ADCY7: variants seen among roughly 807,000 people sequenced by gnomAD.
The protein encoded by ADCY7 is adenylate cyclase 7.
Under a neutral mutation model 120.6 loss-of-function variants are expected in ADCY7, and 72 were observed. The ratio of observed to expected loss-of-function variants is 0.60; its 90% confidence interval spans 0.49 to 0.73. The LOEUF (loss-of-function observed/expected upper bound fraction) is 0.73. Ranked by LOEUF, ADCY7 falls within the 30% of genes least tolerant of loss-of-function variation. The pLI is 0.00. For missense variants in ADCY7, 1,227 were observed against 1,486.0 expected (o/e 0.83, Z 2.87); for synonymous variants, 661 against 628.0 (o/e 1.05, Z -0.78).
In ADCY7 at chr16:50,301,127, G is replaced by A. The variant is rs371262352; in HGVS notation, c.1281G>A (p.Ala427=). Residue 427 remains alanine (A), a synonymous_variant, in exon 10 of 26, where the codon GCG becomes GCA. Coordinates refer to ENST00000673801, the MANE Select transcript of ADCY7 (RefSeq NM_001114.5). ...TEATLKHLDK[A]YEVEDGHGQQ... ...CCACGCTAAAGCACCTGGACAAGGC[G>A]TACGAGGTGGAGGATGGGCACGGGC... 53 of 1,613,868 alleles carry A rather than the reference G, an allele frequency of 3.3e-5. No individual in the cohort carries two copies. Among genetic ancestry groups the A allele is most frequent in the South Asian group, 5.5e-5 (5 of 91,066 alleles).
chr16:50,311,228 G>C (rs1488148131), intron 19 of ADCY7, among the ~76,000 whole-genome samples: 1 of 152,164 alleles, frequency 6.6e-6, no homozygotes, highest in Non-Finnish European at 1.5e-5. Context: ...GATACCTGAG[G>C]CTGGCAGGGC....
Position 50,315,555 on chromosome 16 carries a change from A to C in ADCY7, c.*50A>C, listed in dbSNP as rs776048333. 3.8e-6 allele frequency: 6 copies of C among 1,589,384 alleles called. No individual in the cohort carries two copies. In the South Asian group the frequency reaches 6.6e-5, roughly 18 times the overall value. The stretch of plus-strand genomic sequence containing the variant: ...GCCGGGAAGCCAGTCTCCTTCCCTG[A>C]AGCAAGCCCAGGAGAAGACTCTCCG... On this transcript the variant is annotated 3_prime_UTR_variant, in exon 26 of 26. Coordinates refer to ENST00000673801, the MANE Select transcript of ADCY7 (RefSeq NM_001114.5).
intron 1 of ADCY7, among the ~76,000 whole-genome samples, chr16:50,282,602 C>T (rs1285318828): frequency 6.6e-6 from 1 of 152,116 alleles, no homozygotes; most frequent in Non-Finnish European, 1.5e-5. Context: ...TAGCTCTGTC[C>T]TGGGCCTTGT....
intron 1 of ADCY7, among the ~76,000 whole-genome samples, chr16:50,247,053 A>C (rs565378929): frequency 2.0e-5 from 3 of 150,424 alleles, no homozygotes; most frequent in African/African-American, 5.0e-5. Flanking sequence ...CAGAGATTGA[A>C]TGAATGAATG....
upstream of ADCY7, chr16:50,246,013 C>A (rs1429504848): frequency 6.6e-6 from 1 of 150,744 alleles, no homozygotes; most frequent in African/African-American, 2.4e-5. Flanking sequence ...AGGGTGGACG[C>A]GGCCTCCTGG....
At chr16:50,309,732 G>A (rs1242484395) in intron 18 of ADCY7, 86 bp downstream of exon 18, 3 of 1,200,908 alleles carry the variant, frequency 2.5e-6, no homozygotes, top group Non-Finnish European at 3.5e-6. Flanking sequence ...CAAAGCATGG[G>A]TGCTGACCCC....
intron 17 of ADCY7, chr16:50,309,302 G>A (rs745905298): frequency 1.0e-5 from 5 of 489,362 alleles, no homozygotes; most frequent in African/African-American, 3.9e-5. Flanking sequence ...GTTGGTCCCG[G>A]CCCCTCCCCC....
Position 50,308,852 on chromosome 16 carries a change from C to T in ADCY7, c.2061+60C>T, listed in dbSNP as rs1023312920. 6.9e-5 allele frequency: 107 copies of T among 1,540,902 alleles called. 1 individual carries two copies. The highest frequency in any genetic ancestry group is 4.5e-4 in the Admixed American group (24 of 53,130). ...TAGAGGGAGACCTCCAGATTTGGGACGCCTACAATGTGGCCTTAAAAGCTG... is the reference window on the plus strand; with the variant it reads ...TAGAGGGAGACCTCCAGATTTGGGATGCCTACAATGTGGCCTTAAAAGCTG... On this transcript the variant is annotated intron_variant, in intron 17 of 25. Coordinates refer to ENST00000673801, the MANE Select transcript of ADCY7 (RefSeq NM_001114.5).
chr16:50,308,449 C>CT, intron 16 of ADCY7, 38 bp downstream of exon 16: 1 of 1,612,788 alleles, frequency 6.2e-7, no homozygotes, highest in Non-Finnish European at 8.5e-7. Context: ...CCCTCCCTCC[C>CT]TGCCTCAGGA....
chr16:50,272,775 T>G (rs2033656302), intron 1 of ADCY7, among the ~76,000 whole-genome samples: 1 of 152,098 alleles, frequency 6.6e-6, no homozygotes, highest in Admixed American at 6.5e-5. Context: ...GACCTCCTTC[T>G]GTGTGTGTGC....
At chr16:50,277,277 T>C (rs982550764) in intron 1 of ADCY7, among the ~76,000 whole-genome samples, 5 of 152,252 alleles carry the variant, frequency 3.3e-5, no homozygotes, top group East Asian at 1.9e-4. Context: ...CTTGTACTTA[T>C]GTCATTTCAT....
chr16:50,249,818 G>A (rs953323786), intron 1 of ADCY7, among the ~76,000 whole-genome samples: 4 of 152,230 alleles, frequency 2.6e-5, no homozygotes, highest in Admixed American at 1.3e-4. Flanking sequence ...GGCAGCCTGC[G>A]GCCCAGCCCA....
intron 24 of ADCY7, chr16:50,314,630 CA>C: frequency 1.9e-6 from 1 of 523,678 alleles, no homozygotes; most frequent in East Asian, 3.1e-5. Context: ...AATGGAGAAC[CA>C]AAATTATTGT....
chr16:50,280,570 G>C (rs543570531), intron 1 of ADCY7, among the ~76,000 whole-genome samples: 1 of 152,002 alleles, frequency 6.6e-6, no homozygotes, highest in East Asian at 1.9e-4. Flanking sequence ...TTTTTGATTC[G>C]GACATTTAGT....
chr16:50,310,059 G>T (rs2036350053), intron 18 of ADCY7, among the ~76,000 whole-genome samples: 1 of 152,248 alleles, frequency 6.6e-6, no homozygotes, highest in African/African-American at 2.4e-5. Context: ...GTCTCTGCCT[G>T]GAGGGCCTTG....
At chr16:50,268,293 C>T (rs888819633) in intron 1 of ADCY7, among the ~76,000 whole-genome samples, 7 of 152,026 alleles carry the variant, frequency 4.6e-5, no homozygotes, top group Admixed American at 2.6e-4. Flanking sequence ...AAAGTAAAGA[C>T]GGGGTTTCAC....
Position 50,315,145 on chromosome 16 carries a change from A to C in ADCY7, c.3096+7A>C. 1 of 1,613,880 alleles carries C rather than the reference A, an allele frequency of 6.2e-7. No individual in the cohort carries two copies. The highest frequency in any genetic ancestry group is 8.5e-7 in the Non-Finnish European group (1 of 1,179,882). On this transcript the variant is annotated splice_region_variant and intron_variant, in intron 25 of 25. Coordinates refer to ENST00000673801, the MANE Select transcript of ADCY7 (RefSeq NM_001114.5). Reference sequence around the variant, plus strand: ...AGAACTTGGGAAAATCCAGGTAAAGACCTATTGGGGAAGCAGTTGACTAAG... The same window carrying C: ...AGAACTTGGGAAAATCCAGGTAAAGCCCTATTGGGGAAGCAGTTGACTAAG...
At chr16:50,277,962 G>A (rs567706934) in intron 1 of ADCY7, among the ~76,000 whole-genome samples, 33 of 151,956 alleles carry the variant, frequency 2.2e-4, no homozygotes, top group African/African-American at 5.8e-4. Context: ...GAGCCACTGC[G>A]CCCGGCCTAC....
intron 1 of ADCY7, among the ~76,000 whole-genome samples, chr16:50,282,733 A>C (rs1394235596): frequency 5.2e-4 from 4 of 7,700 alleles, no homozygotes; most frequent in African/African-American, 5.7e-4. Flanking sequence ...TTTTCCAGAC[A>C]GGATTCTCTA....
Sources: gnomAD v4.1 joint callset for allele counts (sites outside exome capture counted in the v4.1 genomes callset) on GRCh38, gnomAD v4.1.1 for gene constraint, MANE v1.5 for transcripts, NCBI Gene and HGNC (gene_info 2026-07-23, HGNC 2026-07-21) for gene names.